Variants in PHKA2 observed in about 807,000 individuals in gnomAD.
The protein encoded by PHKA2 is phosphorylase kinase regulatory subunit alpha 2, also known as phosphorylase b kinase regulatory subunit alpha, liver isoform.
PHKA2 carries 31 observed loss-of-function variants against 102.0 expected under a neutral mutation model. That is an observed-to-expected ratio of 0.30 (90% CI 0.23 to 0.41). The LOEUF is 0.41. Ranked by LOEUF, PHKA2 falls within the 10% of genes least tolerant of loss-of-function variation. PHKA2 has a pLI of 1.00. For missense variants in PHKA2, 858 were observed against 1,023.1 expected, an observed-to-expected ratio of 0.84 and a Z score of 2.20; for synonymous variants, 455 against 416.2, an observed-to-expected ratio of 1.09 and a Z score of -1.13.
chrX:18,966,081 G>GT (rs1178984805), intron 1 of PHKA2, among the ~76,000 whole-genome samples: 2,885 of 84,960 alleles, frequency 0.034, 83 homozygotes, highest in Middle Eastern at 0.051. Context: ...TGGCTCTTTT[G>GT]TTTTTTTTTT....
chrX:18,912,306 G>A (rs2047940203), intron 19 of PHKA2, among the ~76,000 whole-genome samples: 1 of 112,032 alleles, frequency 8.9e-6, no homozygotes, highest in South Asian at 3.7e-4. Context: ...ACAGCATAGA[G>A]TGTACTTACA....
intron 30 of PHKA2, chrX:18,895,495 C>T (rs945086881): frequency 2.9e-5 from 9 of 312,415 alleles, no homozygotes; most frequent in Non-Finnish European, 4.5e-5. Flanking sequence ...TGGGCCCGGG[C>T]GGCTGCGAGG....
At chrX:18,951,301 T>A in intron 3 of PHKA2, 29 bp from the exon 4 acceptor site, 1 of 1,193,697 alleles carries the variant, frequency 8.4e-7, no homozygotes, top group East Asian at 3.0e-5. Flanking sequence ...CCGCTCTGCA[T>A]AGTTATGGGG....
chrX:18,917,673 G>A (rs1316680830), intron 19 of PHKA2, among the ~76,000 whole-genome samples: 3 of 111,547 alleles, frequency 2.7e-5, no homozygotes, highest in African/African-American at 6.5e-5. Flanking sequence ...CCCACCGTGC[G>A]CTGTTTCTCA....
rs769430552 is a variant in PHKA2 at position 18,978,969 on chromosome X, C to G, written c.78+4886G>C. On this transcript the variant is annotated intron_variant, in intron 1 of 32. Transcript: ENST00000379942. ...AGCCTGGCATGGTGAAACCCCACCT[C>G]TACTTAAAATACAAAAATTAGCCAG... Among the ~76,000 whole-genome samples, 9 of 109,688 alleles carry G rather than the reference C, an allele frequency of 8.2e-5. No homozygotes were observed. The South Asian group carries it at 3.1e-3, about 38-fold the overall frequency.
intron 18 of PHKA2, among the ~76,000 whole-genome samples, chrX:18,919,750 G>C (rs1351181768): frequency 9.9e-6 from 1 of 100,912 alleles, no homozygotes; most frequent in African/African-American, 3.6e-5. Flanking sequence ...AAAAAAAAGA[G>C]AGAGAGAGAA....
intron 1 of PHKA2, among the ~76,000 whole-genome samples, chrX:18,955,934 T>C (rs1601782936): frequency 1.8e-5 from 2 of 112,677 alleles, no homozygotes; most frequent in East Asian, 5.6e-4. Context: ...GAATCACTGA[T>C]GTTAAAGTCA....
rs201847825 is a variant in PHKA2, at chrX:18,893,481, G to C, written c.*4C>G. The C allele has an allele frequency of 8.3e-7, 1 of 1,207,226 alleles. No homozygotes were observed. The highest frequency in any genetic ancestry group is 1.8e-5 in the African/African-American group (1 of 57,081). ...AGAGTGTGATCATGTTTCCAGGTGA[G>C]ACCCTATTGCATCTGGCAGCCCGAA... On this transcript the variant is annotated 3_prime_UTR_variant, in exon 33 of 33. Coordinates refer to ENST00000379942, the MANE Select transcript of PHKA2 (RefSeq NM_000292.3).
In PHKA2 at chrX:18,907,895, C is replaced by T. The variant is rs2047850403; in HGVS notation, c.2517+5G>A. On this transcript the variant is annotated splice_donor_5th_base_variant and intron_variant, in intron 22 of 32. Coordinates refer to ENST00000379942, the MANE Select transcript of PHKA2 (RefSeq NM_000292.3). ...CACATGGGCAGCCTGCACAGTCGCA[C>T]TGACCTCAGCCAGGACCTCCACTTT... 1 of 1,210,892 alleles carries T rather than the reference C, an allele frequency of 8.3e-7. No individual in the cohort carries two copies. Among genetic ancestry groups the T allele is most frequent in the Non-Finnish European group, 1.1e-6 (1 of 894,928 alleles).
intron 25 of PHKA2, among the ~76,000 whole-genome samples, chrX:18,906,126 A>G (rs2047807110): frequency 8.9e-6 from 1 of 112,369 alleles, no homozygotes; most frequent in Non-Finnish European, 1.9e-5. Context: ...CTCATGATGG[A>G]TTTTTATATT....
At chrX:18,925,552 CAT>C in intron 15 of PHKA2, 114 bp downstream of exon 15, 1 of 551,710 alleles carries the variant, frequency 1.8e-6, no homozygotes, top group Admixed American at 2.4e-5. Context: ...GGTATCATTT[CAT>C]ATGTCTCTAT....
intron 26 of PHKA2, chrX:18,903,059 C>G (rs1382580396): frequency 8.9e-6 from 1 of 112,317 alleles, no homozygotes; most frequent in Non-Finnish European, 1.9e-5. Flanking sequence ...GTTTTTTTCC[C>G]TATGACTGTG....
chrX:18,906,363 GGC>G (rs1255136841), intron 25 of PHKA2, 130 bp downstream of exon 25: 1 of 788,373 alleles, frequency 1.3e-6, no homozygotes, highest in Non-Finnish European at 1.9e-6. Flanking sequence ...AAGCTGGTAA[GGC>G]CTGAGCTTGC....
intron 1 of PHKA2, among the ~76,000 whole-genome samples, chrX:18,964,506 GA>G (rs973841878): frequency 5.3e-5 from 6 of 112,403 alleles, no homozygotes; most frequent in African/African-American, 1.9e-4. Flanking sequence ...GATAAATGTT[GA>G]AAAGACATGA....
At position 18,951,263 on chromosome X, in the gene PHKA2, C is replaced by G; in HGVS notation, c.295G>C (p.Val99Leu). 1 of 1,211,233 alleles carries G rather than the reference C, an allele frequency of 8.3e-7. No individual in the cohort carries two copies. Among genetic ancestry groups the G allele is most frequent in the Non-Finnish European group, 1.1e-6 (1 of 894,958 alleles). Residue 99 changes from valine (V) to leucine (L), a missense_variant, in exon 4 of 33, where the codon GTG becomes CTG. Around this residue, in one of 2 missense-constraint regions of PHKA2, gnomAD observed 187 missense variants for 277.9 expected, o/e 0.67. Transcript: ENST00000379942. ...CTCTGAGTGTGTTTGAACTTCTCCA[C>G]TTTGGCCACCTGAGGGAGAAGGCAA... ...LQCMMRQVAK[V>L]EKFKHTQSTK...
chrX:18,943,812 C>A lies in PHKA2; in HGVS notation c.619-4G>T, dbSNP rs748346759. ...CATCAATTGCCTCAAGAGCTGCCTA[C>A]AAACACAGGTATGAGTTACTTTTTC... On this transcript the variant is annotated splice_region_variant and splice_polypyrimidine_tract_variant and intron_variant, in intron 6 of 32. Transcript: ENST00000379942. 1 of 1,173,417 alleles carries A rather than the reference C, an allele frequency of 8.5e-7. No individual in the cohort carries two copies. Among genetic ancestry groups the A allele is most frequent in the South Asian group, 1.8e-5 (1 of 56,065 alleles).
chrX:18,902,069 C>T lies in PHKA2; in HGVS notation c.2909-466G>A, dbSNP rs763504770. Reference sequence around the variant, plus strand: ...TATTGGCCAGGCTGGTCTCAAACTCCTGACCTTGTGATCCGCCCACCTTGA... The same window carrying T: ...TATTGGCCAGGCTGGTCTCAAACTCTTGACCTTGTGATCCGCCCACCTTGA... On this transcript the variant is annotated intron_variant, in intron 26 of 32. Transcript: ENST00000379942. Among the ~76,000 whole-genome samples the T allele has an allele frequency of 1.1e-4, 12 of 111,341 alleles. No individual in the cohort carries two copies. The South Asian group carries it at 4.3e-3, about 40-fold the overall frequency.
chrX:18,960,390 G>C (rs1320949262), intron 1 of PHKA2, among the ~76,000 whole-genome samples: 2 of 111,891 alleles, frequency 1.8e-5, no homozygotes, highest in Admixed American at 1.9e-4. Context: ...AAGAGGTTTA[G>C]TTGGCTCATG....
chrX:18,908,852 C>T lies in PHKA2; in HGVS notation c.2309G>A (p.Cys770Tyr). 3 of 1,210,447 alleles carry T rather than the reference C, an allele frequency of 2.5e-6. No homozygotes were observed. The highest frequency in any genetic ancestry group is 3.4e-6 in the Non-Finnish European group (3 of 894,238). Reference protein sequence around the residue: ...CEKLVEQLKDCSNLQDQADIL... With the variant: ...CEKLVEQLKDYSNLQDQADIL... ...GTCTGCTTGGTCCTGTAGGTTCGAA[C>T]AATCTTTTAGCTGCTCAACCAGCTT... The change falls in exon 21 of 33, where the codon TGT (cysteine) becomes TAT (tyrosine). Residue 770 changes from cysteine to tyrosine, a missense_variant. Physicochemically the swap from Cys to Tyr is radical, Grantham distance 194. Coordinates refer to ENST00000379942, the MANE Select transcript of PHKA2 (RefSeq NM_000292.3).
Sources: gnomAD v4.1 joint callset for allele counts (sites outside exome capture counted in the v4.1 genomes callset) on GRCh38, gnomAD v4.1.1 for gene constraint, gnomAD v4.1.1 regional missense constraint, MANE v1.5 for transcripts, NCBI Gene and HGNC (gene_info 2026-07-23, HGNC 2026-07-21) for gene names.